The following CMTM8 variants were observed in gnomAD, a reference collection of about 807,000 sequenced individuals.
CMTM8 encodes CKLF like MARVEL transmembrane domain containing 8.
A neutral mutation model predicts 18.6 loss-of-function variants in CMTM8; 12 were observed. The ratio of observed to expected loss-of-function variants is 0.65; its 90% CI spans 0.41 to 1.05. CMTM8 has a LOEUF of 1.05. Ranked by LOEUF, CMTM8 falls within the 50% of genes least tolerant of loss-of-function variation. CMTM8 has a pLI of 0.00. For missense variants in CMTM8, 217 were observed against 227.2 expected, an observed-to-expected ratio of 0.95 and a Z score of 0.29; for synonymous variants, 87 against 90.6, an observed-to-expected ratio of 0.96 and a Z score of 0.23.
At chr3:32,367,496 C>T (rs1284480094) in intron 2 of CMTM8, among the ~76,000 whole-genome samples, 6 of 152,172 alleles carry the variant, frequency 3.9e-5, no homozygotes, top group African/African-American at 7.2e-5. Context: ...GCTACAGCTG[C>T]GGCTGAGGGC....
intron 1 of CMTM8, among the ~76,000 whole-genome samples, chr3:32,334,547 AGT>A (rs1015963713): frequency 6.6e-6 from 1 of 151,736 alleles, no homozygotes; most frequent in African/African-American, 2.4e-5. Flanking sequence ...CAGAGCTTGT[AGT>A]GAGCTGAGAT....
At chr3:32,257,567 C>G (rs951049693) in intron 1 of CMTM8, among the ~76,000 whole-genome samples, 6 of 152,148 alleles carry the variant, frequency 3.9e-5, no homozygotes, top group African/African-American at 1.4e-4. Flanking sequence ...TGCCTTTCAA[C>G]CCATCTATTG....
intron 1 of CMTM8, chr3:32,259,315 G>A: frequency 1.4e-6 from 1 of 714,246 alleles, no homozygotes; most frequent in Non-Finnish European, 2.6e-6. Flanking sequence ...GTCAGAGACT[G>A]GGCCATTACT....
intron 1 of CMTM8, among the ~76,000 whole-genome samples, chr3:32,255,593 G>T (rs574593468): frequency 1.3e-5 from 2 of 152,226 alleles, no homozygotes; most frequent in South Asian, 4.1e-4. Flanking sequence ...TTTAGAAAGG[G>T]TTTGAAAGTG....
At chr3:32,367,821 G>T (rs1272069348) in intron 2 of CMTM8, 51 bp from the exon 3 acceptor site, 1 of 1,258,924 alleles carries the variant, frequency 7.9e-7, no homozygotes, top group Non-Finnish European at 1.2e-6. Flanking sequence ...AAGTCCAGAG[G>T]TATGCAGACC....
intron 1 of CMTM8, among the ~76,000 whole-genome samples, chr3:32,281,731 G>A (rs1702613205): frequency 6.6e-6 from 1 of 152,062 alleles, no homozygotes. Context: ...TCTTACCAAG[G>A]GCACCAGTGA....
intron 1 of CMTM8, among the ~76,000 whole-genome samples, chr3:32,248,701 A>G (rs79398333): frequency 6.7e-6 from 1 of 149,668 alleles, no homozygotes; most frequent in Non-Finnish European, 1.5e-5. Context: ...GTTTTTTTTT[A>G]GAGACATGAT....
At chr3:32,276,919 ACT>A (rs961879875) in intron 1 of CMTM8, among the ~76,000 whole-genome samples, 1 of 151,058 alleles carries the variant, frequency 6.6e-6, no homozygotes, top group African/African-American at 2.4e-5. Flanking sequence ...ATGGGGTCTC[ACT>A]CTGTCACCCA....
intron 1 of CMTM8, among the ~76,000 whole-genome samples, chr3:32,351,711 C>CAA (rs144533624): frequency 6.7e-5 from 9 of 134,450 alleles, no homozygotes; most frequent in East Asian, 6.6e-4. Context: ...GACCCTGTCT[C>CAA]AAAAAAAAAA....
chr3:32,356,903 C>A (rs947526871), intron 1 of CMTM8, among the ~76,000 whole-genome samples: 1 of 152,180 alleles, frequency 6.6e-6, no homozygotes, highest in African/African-American at 2.4e-5. Flanking sequence ...GAAGACCTGG[C>A]AAAACCAGCC....
At chr3:32,339,621 T>C (rs1421984879) in intron 1 of CMTM8, among the ~76,000 whole-genome samples, 1 of 152,214 alleles carries the variant, frequency 6.6e-6, no homozygotes, top group Non-Finnish European at 1.5e-5. Context: ...TGCTTGTTGA[T>C]GCTCCACACA....
intron 1 of CMTM8, among the ~76,000 whole-genome samples, chr3:32,274,134 A>T (rs1454668364): frequency 6.6e-6 from 1 of 151,878 alleles, no homozygotes; most frequent in African/African-American, 2.4e-5. Context: ...ACATGGCAAG[A>T]CCCGGTCTCT....
At chr3:32,323,192 G>T (rs1696091339) in intron 1 of CMTM8, among the ~76,000 whole-genome samples, 1 of 152,184 alleles carries the variant, frequency 6.6e-6, no homozygotes, top group Non-Finnish European at 1.5e-5. Flanking sequence ...CTGGCTGGGG[G>T]CAGGAAGGAT....
At position 32,248,667 on chromosome 3, in the gene CMTM8, GT is replaced by G. The variant is rs77008510; in HGVS notation, c.147+9561del. On this transcript the variant is annotated intron_variant, in intron 1 of 3. Coordinates refer to ENST00000307526, the MANE Select transcript of CMTM8 (RefSeq NM_178868.5). ...GCATGAGCCACCACACCTGGCCCAT[GT>G]TTTTTTTTTTTTAATTAAAAGTGTT... 1.7e-3 allele frequency among the ~76,000 whole-genome samples: 244 copies of G among 143,296 alleles called. 1 individual carries two copies. The highest frequency in any genetic ancestry group is 0.013 in the East Asian group (64 of 4,970). The allele number at this position is 143,296 out of a possible 152,430, so 94.0% of individuals were successfully genotyped here.
chr3:32,364,525 A>G (rs1026037000), intron 2 of CMTM8, among the ~76,000 whole-genome samples: 1 of 152,174 alleles, frequency 6.6e-6, no homozygotes, highest in Non-Finnish European at 1.5e-5. Context: ...AAGACAGAAA[A>G]GAAATGGACT....
chr3:32,273,129 ATGTGTGTGTGTG>A (rs60162265), intron 1 of CMTM8, among the ~76,000 whole-genome samples: 38 of 143,026 alleles, frequency 2.7e-4, no homozygotes, highest in African/African-American at 9.3e-4. Flanking sequence ...ATTGGAACAA[ATGTGTGTGTGTG>A]TGTGTGTGTG....
At chr3:32,337,341 T>A (rs146154612) in intron 1 of CMTM8, among the ~76,000 whole-genome samples, 1 of 152,188 alleles carries the variant, frequency 6.6e-6, no homozygotes, top group Non-Finnish European at 1.5e-5. Flanking sequence ...CAGCCAGGCC[T>A]GCACGGACAG....
At chr3:32,363,994 T>A (rs754569508) in intron 2 of CMTM8, among the ~76,000 whole-genome samples, 1 of 152,200 alleles carries the variant, frequency 6.6e-6, no homozygotes, top group Non-Finnish European at 1.5e-5. Context: ...CATGAGTGTC[T>A]CTTCCACCAA....
chr3:32,365,308 A>AAC (rs1230846853), intron 2 of CMTM8, among the ~76,000 whole-genome samples: 2 of 151,950 alleles, frequency 1.3e-5, no homozygotes, highest in Non-Finnish European at 2.9e-5. Context: ...TTTGAGAAAA[A>AAC]AAAAAAGAGA....
Sources: allele counts gnomAD v4.1 joint callset (sites outside exome capture counted in the v4.1 genomes callset), GRCh38; gene constraint gnomAD v4.1.1; transcripts MANE v1.5; gene names NCBI Gene and HGNC (gene_info 2026-07-23, HGNC 2026-07-21).